The following ITGA3 variants were observed in gnomAD, a reference collection of about 807,000 sequenced individuals.
ITGA3 encodes integrin subunit alpha 3.
ITGA3 carries 70 observed loss-of-function variants against 131.1 expected under a neutral mutation model. The ratio of observed to expected loss-of-function variants is 0.53; its 90% CI spans 0.44 to 0.65. ITGA3 has a LOEUF of 0.65. Among genes scored for constraint, ITGA3 ranks in the 30% least tolerant of loss-of-function variants. The pLI is 0.00. For synonymous variants in ITGA3, 537 were observed against 571.6 expected (o/e 0.94, Z 0.86); for missense variants, 1,098 against 1,388.6 (o/e 0.79, Z 3.33).
chr17:50,085,112 G>T (rs150470383), intron 23 of ITGA3, among the ~76,000 whole-genome samples: 102 of 151,762 alleles, frequency 6.7e-4, no homozygotes, highest in African/African-American at 2.3e-3. Flanking sequence ...TGAGGTAGGA[G>T]AATTGCTTGG....
At chr17:50,076,773 G>A in intron 14 of ITGA3, 92 bp downstream of exon 14, 1 of 1,281,464 alleles carries the variant, frequency 7.8e-7, no homozygotes, top group Non-Finnish European at 1.1e-6. Context: ...ATGGCAAGGC[G>A]AGCCCAGGGA....
At position 50,064,060 on chromosome 17, in the gene ITGA3, T is replaced by C. The variant is rs1908210604; in HGVS notation, c.207-17T>C. On this transcript the variant is annotated splice_polypyrimidine_tract_variant and intron_variant, in intron 1 of 25. Transcript: ENST00000320031. The surrounding 1 kb of genome is among the most constrained non-coding windows in gnomAD (Gnocchi z 4.4). ...TGGGGAGTCTGAACCCGGACCCACC[T>C]CCGTCCCTATCCCCAGGCTCCTGGC... 3.7e-6 allele frequency: 6 copies of C among 1,611,846 alleles called. No individual in the cohort carries two copies. The highest frequency in any genetic ancestry group is 5.1e-6 in the Non-Finnish European group (6 of 1,179,346).
chr17:50,079,281 T>C, intron 20 of ITGA3, 23 bp downstream of exon 20: 1 of 1,610,876 alleles, frequency 6.2e-7, no homozygotes, highest in South Asian at 1.1e-5. Flanking sequence ...TCAGGGATAT[T>C]TCATTTGCAT....
intron 7 of ITGA3, 40 bp downstream of exon 7, chr17:50,072,222 C>T: frequency 6.5e-7 from 1 of 1,550,238 alleles, no homozygotes; most frequent in Non-Finnish European, 8.8e-7. Context: ...CCTCCTCCAG[C>T]ACCCCTCCTC....
At position 50,064,427 on chromosome 17, in the gene ITGA3, G is replaced by T. The variant is rs867648263; in HGVS notation, c.335-101G>T. 8.1e-7 allele frequency: 1 copy of T among 1,234,132 alleles called. No individual in the cohort carries two copies. The allele number at this position is 1,234,132 out of a possible 1,614,324, so 76.4% of individuals were successfully genotyped here. A position where few individuals can be genotyped will look rare whatever the true frequency, so the allele number is the denominator to read the frequency against. On this transcript the variant is annotated intron_variant, in intron 2 of 25. Coordinates refer to ENST00000320031, the MANE Select transcript of ITGA3 (RefSeq NM_002204.4). The surrounding 1 kb of genome is among the most constrained non-coding windows in gnomAD (Gnocchi z 4.4). ...AGGGGAGTTGGGAGGGCTGCCCTGT[G>T]GGTGGAGGGCCCAAGCGGGACCCAC...
At position 50,069,802 on chromosome 17, in the gene ITGA3, G is replaced by T. The variant is rs80056097; in HGVS notation, c.665-1042G>T. Among the ~76,000 whole-genome samples the T allele has an allele frequency of 5.2e-4, 79 of 152,280 alleles. No individual in the cohort carries two copies. The East Asian group carries it at 0.013, about 26-fold the overall frequency. On this transcript the variant is annotated intron_variant, in intron 4 of 25. Coordinates refer to ENST00000320031, the MANE Select transcript of ITGA3 (RefSeq NM_002204.4). The stretch of plus-strand genomic sequence containing the variant: ...CTTGTAAAAGACCATGCTTGTAAAA[G>T]ACCACACTACACATGGTCTCACAGG...
chr17:50,081,797 G>A (rs1414414653), intron 23 of ITGA3, among the ~76,000 whole-genome samples: 1 of 152,170 alleles, frequency 6.6e-6, no homozygotes, highest in African/African-American at 2.4e-5. Context: ...CTTGTCAGGG[G>A]CTGGAACGTG....
intron 1 of ITGA3, among the ~76,000 whole-genome samples, chr17:50,063,215 T>C (rs1469301413): frequency 6.6e-6 from 1 of 152,180 alleles, no homozygotes; most frequent in Non-Finnish European, 1.5e-5. Flanking sequence ...CTGGGCAGGC[T>C]GGGAGCAAGG....
At chr17:50,088,395 G>T (rs1011730083) in intron 25 of ITGA3, 29 bp downstream of exon 25, 3 of 1,241,990 alleles carry the variant, frequency 2.4e-6, no homozygotes, top group Non-Finnish European at 3.5e-6. Context: ...CCCCTTCCCC[G>T]AGCCCCACAG....
At chr17:50,082,065 G>A (rs1356628188) in intron 23 of ITGA3, among the ~76,000 whole-genome samples, 3 of 152,186 alleles carry the variant, frequency 2.0e-5, no homozygotes, top group African/African-American at 4.8e-5. Context: ...GGAATGCAGT[G>A]TAGTCCTGAA....
intron 4 of ITGA3, among the ~76,000 whole-genome samples, chr17:50,069,106 C>T (rs1465837087): frequency 2.0e-5 from 3 of 152,110 alleles, no homozygotes; most frequent in East Asian, 1.9e-4. Flanking sequence ...CCTCGGTCTC[C>T]CAAAGTACTG....
chr17:50,063,780 A>C (rs1327201089), intron 1 of ITGA3: 2 of 379,460 alleles, frequency 5.3e-6, no homozygotes, highest in Non-Finnish European at 9.7e-6. Flanking sequence ...CTTCACCTGG[A>C]GAACCCTGGT....
chr17:50,087,832 T>C lies in ITGA3; in HGVS notation c.3008T>C (p.Leu1003Pro). Residue 1003 changes from leucine to proline, a missense_variant, in exon 24 of 26, where the codon CTG (leucine) becomes CCG (proline). By Grantham distance (98) the Leu-to-Pro change is moderately conservative (BLOSUM62 -3). This residue lies in a region of ITGA3 where 699 missense variants were observed against 829.2 expected (regional missense o/e 0.84). Transcript: ENST00000320031. ...GTGCTGGTGGCCGTGGGTGCAGGGC[T>C]GCTGCTGCTGGGGCTGATCATCCTC... is the stretch of plus-strand genomic sequence containing the variant. ...WLVLVAVGAG[L>P]LLLGLIILLL... 1 of 1,605,140 alleles carries C rather than the reference T, an allele frequency of 6.2e-7. No individual in the cohort carries two copies. The highest frequency in any genetic ancestry group is 1.1e-5 in the South Asian group (1 of 90,326).
intron 1 of ITGA3, 88 bp from the exon 2 acceptor site, chr17:50,063,989 C>A: frequency 6.6e-7 from 1 of 1,524,338 alleles, no homozygotes; most frequent in Non-Finnish European, 8.8e-7. Flanking sequence ...CACCAAGAAT[C>A]TGTAAATGTA....
chr17:50,080,463 G>GGGGTGT (rs878979814), intron 22 of ITGA3, 88 bp downstream of exon 22: 68 of 506,222 alleles, frequency 1.3e-4, no homozygotes, highest in Non-Finnish European at 1.8e-4. Flanking sequence ...TCATAGCATG[G>GGGGTGT]GTGTGTGTGT....
intron 12 of ITGA3, 51 bp from the exon 13 acceptor site, chr17:50,076,275 C>G: frequency 6.3e-7 from 1 of 1,579,488 alleles, no homozygotes; most frequent in Middle Eastern, 1.8e-4. Flanking sequence ...GAGGATTCAG[C>G]TGGGGCAGGG....
At chr17:50,086,715 T>C (rs960519727) in intron 23 of ITGA3, 10 of 137,374 alleles carry the variant, frequency 7.3e-5, no homozygotes, top group African/African-American at 2.7e-4. Flanking sequence ...AAACCTCATA[T>C]ACACACACAT....
rs1000541321 is a variant in ITGA3, at chr17:50,056,738, C to T, written c.206+93C>T. 9 of 1,292,238 alleles carry T rather than the reference C, an allele frequency of 7.0e-6. 1 individual carries two copies. The highest frequency in any genetic ancestry group is 2.6e-4 in the Middle Eastern group (1 of 3,828). 80.0% of individuals were successfully genotyped at this position (1,292,238 alleles called of 1,614,324 possible). A position where few individuals can be genotyped will look rare whatever the true frequency, so the allele number is the denominator to read the frequency against. ...CTGAGTCGGAGCCCAGGGCAGCTGG[C>T]CCTTGGGAGCCAGGATTAAGGGGCG... is the stretch of plus-strand genomic sequence containing the variant. On this transcript the variant is annotated intron_variant, in intron 1 of 25. Coordinates refer to ENST00000320031, the MANE Select transcript of ITGA3 (RefSeq NM_002204.4). The surrounding 1 kb of genome is among the most constrained non-coding windows in gnomAD (Gnocchi z 5.6).
intron 1 of ITGA3, chr17:50,063,860 C>A: frequency 1.7e-6 from 1 of 596,050 alleles, no homozygotes; most frequent in Non-Finnish European, 2.9e-6. Context: ...AGCCCTGAGC[C>A]TGGGCTACTG....
Sources: gnomAD v4.1 joint callset for allele counts (sites outside exome capture counted in the v4.1 genomes callset) on GRCh38, gnomAD v4.1.1 for gene constraint, gnomAD v4.1.1 regional missense constraint, Gnocchi (gnomAD v3.1) non-coding constraint, MANE v1.5 for transcripts, NCBI Gene and HGNC (gene_info 2026-07-23, HGNC 2026-07-21) for gene names.